The following MAOB variants were observed in gnomAD, a reference collection of about 807,000 sequenced individuals.
MAOB encodes the protein amine oxidase [flavin-containing] B.
A neutral mutation model predicts 41.9 loss-of-function variants in MAOB; 15 were observed. That is an observed-to-expected ratio of 0.36 (90% CI 0.24 to 0.55). The LOEUF (loss-of-function observed/expected upper bound fraction) is 0.55, where lower values mean the gene tolerates loss of function less well. Among genes scored for constraint, MAOB ranks in the 20% least tolerant of loss-of-function variants. MAOB has a pLI of 0.86. For synonymous variants in MAOB, 167 were observed against 144.2 expected (o/e 1.16, Z -1.13); for missense variants, 345 against 398.7 (o/e 0.87, Z 1.15).
chrX:43,865,591 A>G (rs974547759), intron 1 of MAOB, among the ~76,000 whole-genome samples: 6 of 112,045 alleles, frequency 5.4e-5, no homozygotes, highest in Admixed American at 2.8e-4. Flanking sequence ...CTATTATTTA[A>G]AAATCTTATG....
chrX:43,808,139 C>A (rs2034692292), intron 3 of MAOB, among the ~76,000 whole-genome samples: 1 of 111,134 alleles, frequency 9.0e-6, no homozygotes, highest in South Asian at 3.9e-4. Context: ...GACTGGTGTA[C>A]AAAGTCATCC....
intron 12 of MAOB, among the ~76,000 whole-genome samples, chrX:43,770,324 A>G (rs2034166595): frequency 9.0e-6 from 1 of 111,353 alleles, no homozygotes; most frequent in Non-Finnish European, 1.9e-5. Context: ...CTGGAACTGC[A>G]CTGCAGCCCA....
intron 3 of MAOB, among the ~76,000 whole-genome samples, chrX:43,838,294 T>C (rs7883073): frequency 0.031 from 3,436 of 111,412 alleles, 122 homozygotes; most frequent in South Asian, 0.18. Flanking sequence ...AAGCCAGAAC[T>C]ATGAGCCACA....
chrX:43,831,769 T>C (rs1055314874), intron 3 of MAOB, among the ~76,000 whole-genome samples: 4 of 111,744 alleles, frequency 3.6e-5, no homozygotes, highest in African/African-American at 6.5e-5. Flanking sequence ...CCCTAAGAGA[T>C]ATTAGTTCCT....
At position 43,775,287 on chromosome X, in the gene MAOB, A is replaced by G; in HGVS notation, c.1138-15T>C. The G allele has an allele frequency of 5.8e-6, 7 of 1,200,184 alleles. No homozygotes were observed. Among genetic ancestry groups the G allele is most frequent in the Non-Finnish European group, 7.9e-6 (7 of 889,992 alleles). ...TAATGCACTGGCTGCAAGATAGAGCAACAAAAACTTGAAGGAGACTCAGAG... is the reference window on the plus strand; with the variant it reads ...TAATGCACTGGCTGCAAGATAGAGCGACAAAAACTTGAAGGAGACTCAGAG... On this transcript the variant is annotated splice_polypyrimidine_tract_variant and intron_variant, in intron 11 of 14. Transcript: ENST00000378069.
At chrX:43,783,578 T>G (rs1191199800) in intron 8 of MAOB, among the ~76,000 whole-genome samples, 1 of 112,502 alleles carries the variant, frequency 8.9e-6, no homozygotes, top group South Asian at 3.6e-4. Flanking sequence ...ATATCTAAAA[T>G]ATGTACATAA....
chrX:43,830,914 A>G (rs2035011154), intron 3 of MAOB, among the ~76,000 whole-genome samples: 1 of 111,526 alleles, frequency 9.0e-6, no homozygotes, highest in Non-Finnish European at 1.9e-5. Context: ...ACAGGTACAA[A>G]CATCCTTCTT....
At chrX:43,850,371 T>C (rs1481459024) in intron 1 of MAOB, 1 of 749,163 alleles carries the variant, frequency 1.3e-6, no homozygotes, top group African/African-American at 2.3e-5. Context: ...GACTGTATCA[T>C]TAGAGGAATA....
In MAOB at chrX:43,785,096, C is replaced by T. The variant is rs764282600; in HGVS notation, c.929-3552G>A. 9.7e-5 allele frequency among the ~76,000 whole-genome samples: 11 copies of T among 112,998 alleles called. No individual in the cohort carries two copies. The East Asian group carries it at 1.4e-3, about 14-fold the overall frequency. The stretch of plus-strand genomic sequence containing the variant: ...CAGGGAGCCGGAAGTTGCCGTGAGC[C>T]GAGATCGCGCCACTGCGCTCCAGCC... On this transcript the variant is annotated intron_variant, in intron 8 of 14. Transcript: ENST00000378069.
At chrX:43,858,993 T>A (rs1287517045) in intron 1 of MAOB, among the ~76,000 whole-genome samples, 1 of 111,493 alleles carries the variant, frequency 9.0e-6, no homozygotes, top group African/African-American at 3.3e-5. Flanking sequence ...TTTGAGATAA[T>A]TTACACTTAA....
chrX:43,814,750 G>T (rs763363997), intron 3 of MAOB, among the ~76,000 whole-genome samples: 2 of 112,064 alleles, frequency 1.8e-5, no homozygotes, highest in South Asian at 7.5e-4. Flanking sequence ...GGATGGAAAT[G>T]GATGGATGAA....
chrX:43,839,009 T>C lies in MAOB; in HGVS notation c.142-4A>G, dbSNP rs377539502. 2.7e-5 allele frequency: 31 copies of C among 1,144,582 alleles called. No homozygotes were observed. The highest frequency in any genetic ancestry group is 3.5e-5 in the Non-Finnish European group (30 of 860,490). 94.3% of individuals were successfully genotyped at this position (1,144,582 alleles called of 1,213,427 possible). A position where few individuals can be genotyped will look rare whatever the true frequency, so the allele number is the denominator to read the frequency against. On this transcript the variant is annotated splice_polypyrimidine_tract_variant and splice_region_variant and intron_variant, in intron 2 of 14. Transcript: ENST00000378069. ...CCACATATTTAACCTTTTGGTTCTG[T>C]TTTCCCATAGGAAAAAATTAAAAAA...
intron 3 of MAOB, among the ~76,000 whole-genome samples, chrX:43,830,167 C>T (rs1304517068): frequency 5.4e-5 from 6 of 111,845 alleles, no homozygotes; most frequent in Non-Finnish European, 9.4e-5. Flanking sequence ...TTGGACAGTG[C>T]TGTTGTAAGC....
intron 1 of MAOB, among the ~76,000 whole-genome samples, chrX:43,862,878 C>T (rs758058987): frequency 8.9e-6 from 1 of 111,883 alleles, no homozygotes; most frequent in South Asian, 3.7e-4. Flanking sequence ...TAAAAATAAC[C>T]TCCCCAGAAA....
intron 2 of MAOB, 54 bp from the exon 3 acceptor site, chrX:43,839,059 A>G (rs1307427917): frequency 5.4e-6 from 5 of 933,466 alleles, no homozygotes; most frequent in Non-Finnish European, 7.3e-6. Context: ...GTATAAAATA[A>G]CAAAAGACAG....
chrX:43,793,308 A>T, intron 8 of MAOB, 111 bp downstream of exon 8: 2 of 548,153 alleles, frequency 3.6e-6, no homozygotes, highest in Non-Finnish European at 5.8e-6. Context: ...ACAAATCTGC[A>T]CATGTACCCC....
At chrX:43,845,232 C>T (rs2035186525) in intron 1 of MAOB, among the ~76,000 whole-genome samples, 1 of 111,359 alleles carries the variant, frequency 9.0e-6, no homozygotes, top group South Asian at 3.8e-4. Context: ...TGAATGTGCT[C>T]AGTTCCAATT....
chrX:43,776,487 C>A (rs1368643510), intron 11 of MAOB, among the ~76,000 whole-genome samples: 2 of 111,973 alleles, frequency 1.8e-5, no homozygotes, highest in African/African-American at 6.5e-5. Context: ...CTGCTTTAGC[C>A]TGGGAGTGCC....
intron 1 of MAOB, chrX:43,844,038 G>T: frequency 1.8e-6 from 1 of 544,198 alleles, no homozygotes; most frequent in Non-Finnish European, 2.4e-6. Flanking sequence ...TAAATTGCAT[G>T]TCTGATAACA....
Sources: allele counts gnomAD v4.1 joint callset (sites outside exome capture counted in the v4.1 genomes callset), GRCh38; gene constraint gnomAD v4.1.1; transcripts MANE v1.5; gene names NCBI Gene and HGNC (gene_info 2026-07-23, HGNC 2026-07-21).